EEF2KMT: variants seen among roughly 807,000 people sequenced by gnomAD.
EEF2KMT encodes eukaryotic elongation factor 2 lysine methyltransferase, also known as protein-lysine N-methyltransferase EEF2KMT.
Under a neutral mutation model 35.1 loss-of-function variants are expected in EEF2KMT, and 30 were observed. The ratio of observed to expected loss-of-function variants is 0.85; its 90% CI spans 0.64 to 1.16. EEF2KMT has a LOEUF of 1.16. Ranked by LOEUF, EEF2KMT falls within the 50% of genes most tolerant of loss-of-function variation. The probability of loss-of-function intolerance (pLI) is 0.00; values close to 1 mark genes in which losing one functional copy is unlikely to be tolerated. For synonymous variants in EEF2KMT, 190 were observed against 187.7 expected, an observed-to-expected ratio of 1.01 and a Z score of -0.10; for missense variants, 499 against 438.2, an observed-to-expected ratio of 1.14 and a Z score of -1.24.
chr16:5,095,200 A>G (rs191672356), intron 2 of EEF2KMT, among the ~76,000 whole-genome samples: 144 of 152,358 alleles, frequency 9.5e-4, no homozygotes, highest in African/African-American at 3.2e-3. Context: ...TTTAAAAAAC[A>G]TTCCCTAGAT....
At chr16:5,093,678 T>A (rs1957393233) in intron 2 of EEF2KMT, 114 bp from the exon 3 acceptor site, 2 of 1,551,694 alleles carry the variant, frequency 1.3e-6, no homozygotes, top group African/African-American at 1.4e-5. Context: ...TCAGCAAAGA[T>A]GTAGATGGAC....
At chr16:5,088,742 T>G (rs901060953) in intron 7 of EEF2KMT, among the ~76,000 whole-genome samples, 35 of 152,120 alleles carry the variant, frequency 2.3e-4, no homozygotes, top group East Asian at 3.9e-4. Context: ...CGCCTGTACA[T>G]CCTGTGCTCC....
At chr16:5,088,682 C>A (rs1378992012) in intron 7 of EEF2KMT, among the ~76,000 whole-genome samples, 1 of 152,090 alleles carries the variant, frequency 6.6e-6, no homozygotes, top group African/African-American at 2.4e-5. Context: ...CTACAGTCAC[C>A]CTGCTCGTCT....
At position 5,084,809 on chromosome 16, in the gene EEF2KMT, G is replaced by A. The variant is rs760732018; in HGVS notation, c.*823C>T. The A allele has an allele frequency of 6.3e-7, 1 of 1,596,482 alleles. No individual in the cohort carries two copies. The highest frequency in any genetic ancestry group is 1.1e-5 in the South Asian group (1 of 90,990). On this transcript the variant is annotated 3_prime_UTR_variant, in exon 8 of 8. Transcript: ENST00000427587. ...AGCTAAACCAGTTCCGGAAGAACCT[G>A]CGGGAGTCGCAGCAGCTCCGATGGG...
chr16:5,087,654 C>T (rs1028426621), intron 7 of EEF2KMT, among the ~76,000 whole-genome samples: 13 of 151,926 alleles, frequency 8.6e-5, no homozygotes, highest in Admixed American at 4.6e-4. Flanking sequence ...AAAAAATAGC[C>T]AGGTGTGGTA....
Position 5,089,168 on chromosome 16 carries a change from C to G in EEF2KMT, c.831G>C (p.Glu277Asp), listed in dbSNP as rs1159724482. Residue 277 changes from glutamate (E) to aspartate (D), a missense_variant, in exon 7 of 8, where the codon GAG becomes GAC. Transcript: ENST00000427587. The stretch of plus-strand genomic sequence containing the variant: ...TGCGGACGGTAAAGGCCACGTAGAC[C>G]TCAGGAGCCCGCTGGTGCTCCCGGC... ...AACREHQRAP[E>D]VYVAFTVRNP... 6.2e-7 allele frequency: 1 copy of G among 1,612,034 alleles called. No individual in the cohort carries two copies.
intron 3 of EEF2KMT, among the ~76,000 whole-genome samples, chr16:5,092,810 A>C (rs1957369213): frequency 6.6e-6 from 1 of 152,098 alleles, no homozygotes; most frequent in African/African-American, 2.4e-5. Context: ...TAAAAATAAA[A>C]AATTAGCCAG....
At chr16:5,094,235 G>A (rs577039993) in intron 2 of EEF2KMT, among the ~76,000 whole-genome samples, 4 of 152,284 alleles carry the variant, frequency 2.6e-5, no homozygotes, top group Admixed American at 2.6e-4. Flanking sequence ...AGTACCCCAC[G>A]CAATACACAG....
rs778082409 is a variant in EEF2KMT at position 5,090,597 on chromosome 16, A to C, written c.343-32T>G. On this transcript the variant is annotated intron_variant, in intron 4 of 7. Coordinates refer to ENST00000427587, the MANE Select transcript of EEF2KMT (RefSeq NM_201400.4). The surrounding 1 kb of genome is among the most constrained non-coding windows in gnomAD (Gnocchi z 4.1). ...CAAGAGAAGGCGAGAGAGTCAGTCC[A>C]GCGATCAGAAGGCAAGTGGCTTAGA... 1.2e-6 allele frequency: 2 copies of C among 1,611,672 alleles called. No homozygotes were observed. Among genetic ancestry groups the C allele is most frequent in the Non-Finnish European group, 1.7e-6 (2 of 1,179,626 alleles).
intron 4 of EEF2KMT, among the ~76,000 whole-genome samples, chr16:5,091,494 C>T (rs767310753): frequency 2.6e-5 from 4 of 152,252 alleles, no homozygotes; most frequent in Non-Finnish European, 4.4e-5. Context: ...GGATTACAGG[C>T]GTGAGCCACC....
intron 2 of EEF2KMT, among the ~76,000 whole-genome samples, chr16:5,093,958 G>A (rs546110793): frequency 6.6e-6 from 1 of 152,216 alleles, no homozygotes; most frequent in Non-Finnish European, 1.5e-5. Flanking sequence ...GTGTCCCTGG[G>A]GACAGGATGG....
intron 7 of EEF2KMT, among the ~76,000 whole-genome samples, chr16:5,088,109 C>G (rs993188466): frequency 4.0e-5 from 6 of 151,762 alleles, no homozygotes; most frequent in African/African-American, 1.5e-4. Context: ...ATCTGGCTAG[C>G]TTCTGTATGT....
rs1294154679 is a variant in EEF2KMT, at chr16:5,084,666, G to A, written c.*966C>T. 3.2e-5 allele frequency: 50 copies of A among 1,586,656 alleles called. No individual in the cohort carries two copies. The highest frequency in any genetic ancestry group is 1.4e-4 in the Admixed American group (8 of 58,690). On this transcript the variant is annotated 3_prime_UTR_variant, in exon 8 of 8. Coordinates refer to ENST00000427587, the MANE Select transcript of EEF2KMT (RefSeq NM_201400.4). The stretch of plus-strand genomic sequence containing the variant: ...ACTTGGGAGGGGTTGTTGTTGGGTC[G>A]GGGACCTGGGGTCAGCCAGGTGGTG...
At chr16:5,086,040 A>G (rs1957150890) in intron 7 of EEF2KMT, among the ~76,000 whole-genome samples, 1 of 152,214 alleles carries the variant, frequency 6.6e-6, no homozygotes, top group Non-Finnish European at 1.5e-5. Context: ...CACTCTTCAC[A>G]AAGCTTAGAA....
rs746944961 is a variant in EEF2KMT, at chr16:5,084,761, A to C, written c.*871T>G. ...TTATTTTTTTGCAGATGCTTTTCTC[A>C]AACTTTCCTGATCCTGCGGGCAAGC... On this transcript the variant is annotated 3_prime_UTR_variant, in exon 8 of 8. Coordinates refer to ENST00000427587, the MANE Select transcript of EEF2KMT (RefSeq NM_201400.4). 2.4e-5 allele frequency: 38 copies of C among 1,596,370 alleles called. No homozygotes were observed. The highest frequency in any genetic ancestry group is 3.1e-5 in the Non-Finnish European group (37 of 1,179,792).
At chr16:5,087,303 A>G (rs1321821724) in intron 7 of EEF2KMT, 1 of 152,222 alleles carries the variant, frequency 6.6e-6, no homozygotes, top group Non-Finnish European at 1.5e-5. Context: ...AGACTGCTAT[A>G]TGTATATTCT....
At chr16:5,097,520 T>A (rs1212816410) in intron 1 of EEF2KMT, 124 bp downstream of exon 1, 9 of 1,482,732 alleles carry the variant, frequency 6.1e-6, no homozygotes, top group Non-Finnish European at 8.0e-6. Context: ...CGCGCGGCCC[T>A]GACCGGCGGG....
chr16:5,092,286 C>CT (rs1957356358), intron 3 of EEF2KMT, among the ~76,000 whole-genome samples: 3 of 152,164 alleles, frequency 2.0e-5, no homozygotes, highest in Admixed American at 1.3e-4. Context: ...TGATAGAGAG[C>CT]CGTGTTTGGA....
At chr16:5,093,275 G>C (rs1315544237) in intron 3 of EEF2KMT, among the ~76,000 whole-genome samples, 1 of 152,248 alleles carries the variant, frequency 6.6e-6, no homozygotes, top group East Asian at 1.9e-4. Context: ...GAAACCCCAG[G>C]AGGCAGAGTG....
Sources: allele counts gnomAD v4.1 joint callset (sites outside exome capture counted in the v4.1 genomes callset), GRCh38; gene constraint gnomAD v4.1.1; non-coding constraint Gnocchi (gnomAD v3.1); transcripts MANE v1.5; gene names NCBI Gene and HGNC (gene_info 2026-07-23, HGNC 2026-07-21).